The following B3GAT3 variants were observed in gnomAD, a reference collection of about 807,000 sequenced individuals.
B3GAT3 encodes the protein beta-1,3-glucuronyltransferase 3.
Under a neutral mutation model 33.1 loss-of-function variants are expected in B3GAT3, and 19 were observed. The ratio of observed to expected loss-of-function variants is 0.57; its 90% CI spans 0.40 to 0.84. The LOEUF (loss-of-function observed/expected upper bound fraction) is 0.84. B3GAT3 is among the 40% of genes least tolerant of loss of function. The pLI is 0.00. For missense variants in B3GAT3, 344 were observed against 441.5 expected (o/e 0.78, Z 1.98); for synonymous variants, 167 against 193.5 (o/e 0.86, Z 1.14).
Position 62,619,699 on chromosome 11 carries a change from C to T in B3GAT3, c.257+798G>A, listed in dbSNP as rs1486957461. Among the ~76,000 whole-genome samples, 15 of 85,706 alleles carry T rather than the reference C, an allele frequency of 1.8e-4. No individual in the cohort carries two copies. In the East Asian group the frequency reaches 2.3e-3, roughly 13 times the overall value. 56.2% of individuals were successfully genotyped at this position (85,706 alleles called of 152,430 possible). On this transcript the variant is annotated intron_variant, in intron 2 of 4. Coordinates refer to ENST00000265471, the MANE Select transcript of B3GAT3 (RefSeq NM_012200.4). ...GGCATGCACCATCACGCCTAGCTAA[C>T]TTTTTTTTTTTTTTTTTTTTTTTTT...
chr11:62,616,319 G>T, intron 4 of B3GAT3, 187 bp downstream of exon 4: 1 of 815,742 alleles, frequency 1.2e-6, no homozygotes, highest in Non-Finnish European at 2.0e-6. Context: ...AGAACTCGGG[G>T]CAGAGTGGCA....
intron 4 of B3GAT3, chr11:62,616,027 A>G: frequency 7.5e-7 from 1 of 1,331,022 alleles, no homozygotes; most frequent in Non-Finnish European, 9.8e-7. Context: ...GCGGATCACG[A>G]GGTCAGGAGA....
chr11:62,621,725 G>T (rs1943148279), intron 1 of B3GAT3, 141 bp downstream of exon 1: 3 of 880,060 alleles, frequency 3.4e-6, no homozygotes, highest in Non-Finnish European at 5.1e-6. Flanking sequence ...TTCTATAGAG[G>T]GCAGTGCGCC....
intron 2 of B3GAT3, among the ~76,000 whole-genome samples, chr11:62,619,551 T>A (rs965568970): frequency 1.4e-5 from 2 of 145,204 alleles, no homozygotes; most frequent in Admixed American, 6.9e-5. Flanking sequence ...CACTTTCAAC[T>A]TTTTTTTTTT....
chr11:62,618,459 G>A (rs550064727), intron 2 of B3GAT3, among the ~76,000 whole-genome samples: 2 of 150,222 alleles, frequency 1.3e-5, no homozygotes, highest in African/African-American at 2.5e-5. Context: ...TCAGGAGATC[G>A]AGACCATCCT....
chr11:62,621,229 C>T (rs762050849), intron 1 of B3GAT3: 15 of 456,640 alleles, frequency 3.3e-5, no homozygotes, highest in South Asian at 1.2e-4. Context: ...GGGGATACAG[C>T]AGGGAACAAA....
chr11:62,621,874 A>G lies in B3GAT3; in HGVS notation c.74T>C (p.Val25Ala), dbSNP rs1339408108. ...CGCCCCGCCCCGCTCACCGAGCTGT[A>G]CCAGCGCGTAGAGGAGGCCGGCGAT... Reference protein sequence around the residue: ...VSIAGLLYALVQLGQPCDCLP... With the variant: ...VSIAGLLYALAQLGQPCDCLP... Residue 25 changes from valine to alanine, a missense_variant, in exon 1 of 5, where the codon GTA (valine) becomes GCA (alanine). Physicochemically the swap from Val to Ala is moderately conservative, Grantham distance 64. Transcript: ENST00000265471. 2 of 1,612,218 alleles carry G rather than the reference A, an allele frequency of 1.2e-6. No individual in the cohort carries two copies. The highest frequency in any genetic ancestry group is 3.3e-5 in the Admixed American group (2 of 59,922).
In B3GAT3 at chr11:62,620,644, A is replaced by G. The variant is rs1404413311; in HGVS notation, c.110T>C (p.Leu37Pro). 1 of 1,612,142 alleles carries G rather than the reference A, an allele frequency of 6.2e-7. No homozygotes were observed. Among genetic ancestry groups the G allele is most frequent in the Non-Finnish European group, 8.5e-7 (1 of 1,178,762 alleles). The part of the protein sequence containing the change: ...LGQPCDCLPP[L>P]RAAAEQLRQK... Reference sequence around the variant, plus strand: ...CCGTAGCTGCTCGGCTGCTGCCCGCAGGGGAGGAAGGCAGTCACATGGCTG... The same window carrying G: ...CCGTAGCTGCTCGGCTGCTGCCCGCGGGGGAGGAAGGCAGTCACATGGCTG... The change falls in exon 2 of 5, where the codon CTG (leucine) becomes CCG (proline). Residue 37 changes from leucine (L) to proline (P), a missense_variant. Transcript: ENST00000265471.
chr11:62,620,358 T>C, intron 2 of B3GAT3, 139 bp downstream of exon 2: 1 of 838,616 alleles, frequency 1.2e-6, no homozygotes, highest in Middle Eastern at 3.4e-4. Context: ...TATTTGAGTA[T>C]AAATGTGGTT....
intron 1 of B3GAT3, among the ~76,000 whole-genome samples, chr11:62,621,633 G>C (rs1291327457): frequency 6.6e-6 from 1 of 152,242 alleles, no homozygotes; most frequent in Non-Finnish European, 1.5e-5. Flanking sequence ...AGAGGCGGAC[G>C]GCAGCAGGAT....
chr11:62,616,852 G>C, intron 3 of B3GAT3, 56 bp from the exon 4 acceptor site: 1 of 1,612,692 alleles, frequency 6.2e-7, no homozygotes, highest in Non-Finnish European at 8.5e-7. Flanking sequence ...GGGAGCAGCA[G>C]AAAGAGCCAC....
Position 62,617,348 on chromosome 11 carries a change from C to G in B3GAT3, c.258-1G>C, listed in dbSNP as rs1054094461. 6.2e-7 allele frequency: 1 copy of G among 1,611,688 alleles called. No homozygotes were observed. Among genetic ancestry groups the G allele is most frequent in the African/African-American group, 1.3e-5 (1 of 74,940 alleles). On this transcript the variant is annotated splice_acceptor_variant, in intron 2 of 4. Transcript: ENST00000265471. LOFTEE classifies it high-confidence loss of function. ...TACCAGCTCTGCCTTCTGTACCAGC[C>G]TGCAGGGGAGAGATGCAGCACAAGG...
At chr11:62,618,550 T>C (rs1943078148) in intron 2 of B3GAT3, among the ~76,000 whole-genome samples, 5 of 149,950 alleles carry the variant, frequency 3.3e-5, no homozygotes, top group Admixed American at 2.7e-4. Flanking sequence ...TAGTCCCAGC[T>C]ACTTGGGAGG....
chr11:62,621,543 A>G (rs933692093), intron 1 of B3GAT3, among the ~76,000 whole-genome samples: 2 of 152,080 alleles, frequency 1.3e-5, no homozygotes, highest in African/African-American at 4.8e-5. Flanking sequence ...GAGAGTAATG[A>G]GCGTGGGGTT....
At chr11:62,620,945 T>C in intron 1 of B3GAT3, 1 of 551,492 alleles carries the variant, frequency 1.8e-6, no homozygotes, top group Non-Finnish European at 3.3e-6. Context: ...TAATTTTGCC[T>C]TCTGGGCTTC....
chr11:62,621,409 T>C (rs1943141534), intron 1 of B3GAT3: 1 of 439,518 alleles, frequency 2.3e-6, no homozygotes, highest in South Asian at 1.6e-5. Context: ...TTAGCTATGG[T>C]GGTCAGGGAA....
At position 62,618,908 on chromosome 11, in the gene B3GAT3, G is replaced by A. The variant is rs538475267; in HGVS notation, c.258-1561C>T. On this transcript the variant is annotated intron_variant, in intron 2 of 4. Coordinates refer to ENST00000265471, the MANE Select transcript of B3GAT3 (RefSeq NM_012200.4). ...TGAGGCAGGAGAATTGCTTCAATCC[G>A]GGAGGTGGAGGTTGCAGTGAGCCGA... 1.6e-4 allele frequency among the ~76,000 whole-genome samples: 24 copies of A among 152,016 alleles called. 1 individual carries two copies. In the South Asian group the frequency reaches 4.4e-3, roughly 28 times the overall value.
At chr11:62,620,453 C>T (rs1157971277) in intron 2 of B3GAT3, 44 bp downstream of exon 2, 2 of 1,595,494 alleles carry the variant, frequency 1.3e-6, no homozygotes, top group Non-Finnish European at 1.7e-6. Flanking sequence ...TCAACTCCAA[C>T]TTCTTGGACA....
At chr11:62,621,251 C>A in intron 1 of B3GAT3, 1 of 456,682 alleles carries the variant, frequency 2.2e-6, no homozygotes, top group South Asian at 1.5e-5. Flanking sequence ...CAGACACAGT[C>A]CCTGCCCTCA....
Sources: gnomAD v4.1 joint callset for allele counts (sites outside exome capture counted in the v4.1 genomes callset) on GRCh38, gnomAD v4.1.1 for gene constraint, MANE v1.5 for transcripts, NCBI Gene and HGNC (gene_info 2026-07-23, HGNC 2026-07-21) for gene names.